GPHN: variants seen among roughly 807,000 people sequenced by gnomAD.
GPHN encodes the protein gephyrin.
GPHN carries 17 observed loss-of-function variants against 95.5 expected under a neutral mutation model. The ratio of observed to expected loss-of-function variants is 0.18; its 90% CI spans 0.12 to 0.27. The LOEUF (loss-of-function observed/expected upper bound fraction) is 0.27. GPHN is among the 10% of genes least tolerant of loss of function. The probability of loss-of-function intolerance (pLI) is 1.00; values close to 1 mark genes in which losing one functional copy is unlikely to be tolerated. For missense variants in GPHN, 660 were observed against 978.1 expected (o/e 0.67, Z 4.34); for synonymous variants, 320 against 322.5 (o/e 0.99, Z 0.08).
the GPHN span, among the ~76,000 whole-genome samples, chr14:67,355,449 CAAAAAAAAAAAAAAAAAAA>C: frequency 5.3e-5 from 1 of 18,944 alleles, no homozygotes; most frequent in Non-Finnish European, 1.1e-4. Flanking sequence ...GACCCTGTCT[CAAAAAAAAAAAAAAAAAAA>C]AAAAAAAAAA....
In GPHN at chr14:66,539,137, G is replaced by A. The variant is rs7144148; in HGVS notation, c.64+30546G>A. Among the ~76,000 whole-genome samples, 592 of 152,232 alleles carry A rather than the reference G, an allele frequency of 3.9e-3. 5 individuals carry two copies. The highest frequency in any genetic ancestry group is 0.014 in the African/African-American group (569 of 41,556). ...CTGTTCTTTAGAGGTTTTGAGATTA[G>A]CCCGGTAATCTCTTGGTTTATTTAC... On this transcript the variant is annotated intron_variant, in intron 1 of 22. Transcript: ENST00000478722.
In GPHN at chr14:66,670,798, T is replaced by C. The variant is rs1001623115; in HGVS notation, c.65-10309T>C. On this transcript the variant is annotated intron_variant, in intron 1 of 22. Transcript: ENST00000478722. ...CAGAGCAACACTCCATCTCAAAAAA[T>C]AAATAAATAAATAAAAAGAGGCCAT... Among the ~76,000 whole-genome samples, 8 of 151,770 alleles carry C rather than the reference T, an allele frequency of 5.3e-5. No individual in the cohort carries two copies. The East Asian group carries it at 1.5e-3, about 29-fold the overall frequency.
the GPHN span, among the ~76,000 whole-genome samples, chr14:67,510,379 C>T: frequency 6.6e-6 from 1 of 152,246 alleles, no homozygotes; most frequent in Non-Finnish European, 1.5e-5. Context: ...ACCATCAGCT[C>T]ACACACAGAC....
At chr14:66,773,371 T>G (rs2059254335) in intron 2 of GPHN, among the ~76,000 whole-genome samples, 1 of 137,376 alleles carries the variant, frequency 7.3e-6, no homozygotes, top group African/African-American at 3.1e-5. Flanking sequence ...TTTTTTTTTT[T>G]GAGACGGAGC....
chr14:66,814,225 ACAAT>A (rs1229150722), intron 3 of GPHN, among the ~76,000 whole-genome samples: 1 of 151,744 alleles, frequency 6.6e-6, no homozygotes, highest in Non-Finnish European at 1.5e-5. Flanking sequence ...CACACCCTGA[ACAAT>A]CACTCTTATT....
chr14:66,724,068 C>T (rs750834027), intron 2 of GPHN, among the ~76,000 whole-genome samples: 4 of 151,422 alleles, frequency 2.6e-5, no homozygotes, highest in African/African-American at 7.3e-5. Flanking sequence ...AAAATTTCTG[C>T]AATGAGTCAA....
chr14:66,553,193 A>G (rs1054678304), intron 1 of GPHN, among the ~76,000 whole-genome samples: 4 of 151,884 alleles, frequency 2.6e-5, no homozygotes, highest in African/African-American at 9.7e-5. Context: ...GTTTTACCAC[A>G]TTGGCCAGGC....
intron 1 of GPHN, among the ~76,000 whole-genome samples, chr14:66,669,141 A>T (rs530391888): frequency 6.6e-6 from 1 of 152,140 alleles, no homozygotes; most frequent in African/African-American, 2.4e-5. Context: ...AGACGGGTGG[A>T]TCAGCTGAGG....
intron 1 of GPHN, among the ~76,000 whole-genome samples, chr14:66,595,494 C>T (rs561978583): frequency 6.6e-6 from 1 of 152,280 alleles, no homozygotes; most frequent in African/African-American, 2.4e-5. Flanking sequence ...AACAGCCTGC[C>T]AAGGGTGAGC....
intron 20 of GPHN, 135 bp downstream of exon 20, chr14:67,165,361 T>A (rs1378449366): frequency 1.6e-5 from 11 of 675,618 alleles, no homozygotes; most frequent in Non-Finnish European, 2.9e-5. Context: ...GACCAATCAC[T>A]TAACCTCTCT....
chr14:67,212,597 AAATAT>A, the GPHN span, among the ~76,000 whole-genome samples: 1 of 122,556 alleles, frequency 8.2e-6, no homozygotes, highest in African/African-American at 3.0e-5. Context: ...TTGAAAAAAA[AAATAT>A]ATATATATAT....
intron 11 of GPHN, among the ~76,000 whole-genome samples, chr14:67,069,236 C>T (rs1000610039): frequency 6.6e-6 from 1 of 152,166 alleles, no homozygotes; most frequent in Non-Finnish European, 1.5e-5. Context: ...TTTTCGCTAA[C>T]ATGCTCTATT....
intron 11 of GPHN, among the ~76,000 whole-genome samples, chr14:67,059,723 G>T (rs1388799412): frequency 1.3e-5 from 2 of 152,086 alleles, no homozygotes; most frequent in African/African-American, 4.8e-5. Flanking sequence ...TAACTTACTG[G>T]TGCCAGATTT....
At chr14:67,665,551 GCCA>G in the GPHN span, among the ~76,000 whole-genome samples, 2 of 152,042 alleles carry the variant, frequency 1.3e-5, no homozygotes, top group Admixed American at 1.3e-4. Flanking sequence ...ACAGGTGTGA[GCCA>G]CCACACCTGT....
At chr14:67,186,855 T>C in the GPHN span, among the ~76,000 whole-genome samples, 2 of 152,212 alleles carry the variant, frequency 1.3e-5, no homozygotes, top group African/African-American at 4.8e-5. Context: ...GAGTATGCCG[T>C]GGTGCATTTG....
chr14:66,741,189 A>G (rs1191241661), intron 2 of GPHN, among the ~76,000 whole-genome samples: 3 of 152,210 alleles, frequency 2.0e-5, no homozygotes, highest in Non-Finnish European at 4.4e-5. Flanking sequence ...ACACATTCAA[A>G]CTATAGCAGT....
At chr14:67,521,958 C>A in the GPHN span, among the ~76,000 whole-genome samples, 15 of 152,124 alleles carry the variant, frequency 9.9e-5, no homozygotes, top group South Asian at 2.7e-3. Flanking sequence ...GGGTGGATCA[C>A]GAGGTCAAGA....
the GPHN span, chr14:67,385,568 A>G: frequency 6.6e-6 from 1 of 152,008 alleles, no homozygotes; most frequent in Non-Finnish European, 1.5e-5. Flanking sequence ...ATAGCTGAAA[A>G]TTAGTGATAG....
chr14:67,521,460 G>T, the GPHN span, among the ~76,000 whole-genome samples: 1 of 152,188 alleles, frequency 6.6e-6, no homozygotes, highest in Non-Finnish European at 1.5e-5. Flanking sequence ...GTATCCATAT[G>T]TCCATGTGGG....
Sources: gnomAD v4.1 joint callset for allele counts (sites outside exome capture counted in the v4.1 genomes callset) on GRCh38, gnomAD v4.1.1 for gene constraint, MANE v1.5 for transcripts, NCBI Gene and HGNC (gene_info 2026-07-23, HGNC 2026-07-21) for gene names.